The following STRN variants were observed in gnomAD, a reference collection of about 807,000 sequenced individuals.
The protein encoded by STRN is striatin.
STRN carries 53 observed loss-of-function variants against 96.3 expected under a neutral mutation model. That is an observed-to-expected ratio of 0.55 (90% CI 0.44 to 0.69). The LOEUF (loss-of-function observed/expected upper bound fraction) is 0.69, where lower values mean the gene tolerates loss of function less well. Among genes scored for constraint, STRN ranks in the 30% least tolerant of loss-of-function variants. The pLI is 0.00. For missense variants in STRN, 987 were observed against 963.9 expected, an observed-to-expected ratio of 1.02 and a Z score of -0.32; for synonymous variants, 428 against 355.9, an observed-to-expected ratio of 1.20 and a Z score of -2.28.
At chr2:36,888,122 A>T (rs529159871) in intron 7 of STRN, among the ~76,000 whole-genome samples, 7 of 152,130 alleles carry the variant, frequency 4.6e-5, no homozygotes, top group Non-Finnish European at 1.0e-4. Flanking sequence ...CTCCACATAA[A>T]ATATATCAGG....
At chr2:36,893,292 A>G (rs1315909697) in intron 7 of STRN, among the ~76,000 whole-genome samples, 1 of 152,056 alleles carries the variant, frequency 6.6e-6, no homozygotes, top group Non-Finnish European at 1.5e-5. Context: ...TGCTTTCAAT[A>G]GCAAAAAAAA....
intron 1 of STRN, among the ~76,000 whole-genome samples, chr2:36,928,411 G>A (rs1670474373): frequency 6.6e-6 from 1 of 152,284 alleles, no homozygotes; most frequent in Non-Finnish European, 1.5e-5. Flanking sequence ...CAGAACTTTG[G>A]GAGGCCGAGG....
chr2:36,860,021 G>A (rs1668436521), intron 13 of STRN, among the ~76,000 whole-genome samples: 1 of 152,002 alleles, frequency 6.6e-6, no homozygotes, highest in Non-Finnish European at 1.5e-5. Flanking sequence ...AAAAGAGAGG[G>A]ACTAAACAGA....
Position 36,899,541 on chromosome 2 carries a change from G to A in STRN, c.777C>T (p.Ser259=), listed in dbSNP as rs753256649. 30 of 1,611,944 alleles carry A rather than the reference G, an allele frequency of 1.9e-5. No individual in the cohort carries two copies. Among genetic ancestry groups the A allele is most frequent in the Middle Eastern group, 1.6e-4 (1 of 6,068 alleles). ...EDDDVDGREK[S]VIDTSTIVRK... Reference sequence around the variant, plus strand: ...AACTCACTGTTGAAGTATCAATGACGCTTTTCTCTCTTCCATCAACATCAT... The same window carrying A: ...AACTCACTGTTGAAGTATCAATGACACTTTTCTCTCTTCCATCAACATCAT... The change falls in exon 6 of 18, where the codon AGC becomes AGT. Residue 259 remains serine (S), a synonymous_variant. Coordinates refer to ENST00000263918, the MANE Select transcript of STRN (RefSeq NM_003162.4).
intron 10 of STRN, 103 bp downstream of exon 10, chr2:36,877,788 G>C: frequency 1.1e-5 from 14 of 1,316,762 alleles, no homozygotes; most frequent in Non-Finnish European, 1.4e-5. Flanking sequence ...CGCCCACCTC[G>C]GCCTCCCAAA....
intron 1 of STRN, among the ~76,000 whole-genome samples, chr2:36,939,174 G>A (rs903359702): frequency 1.3e-5 from 2 of 151,896 alleles, no homozygotes; most frequent in Admixed American, 6.6e-5. Flanking sequence ...CTCGTGATCC[G>A]CCCGCCTCGG....
At chr2:36,855,500 T>C (rs1668322234) in intron 14 of STRN, 148 bp from the exon 15 acceptor site, 11 of 766,782 alleles carry the variant, frequency 1.4e-5, no homozygotes, top group Middle Eastern at 2.8e-4. Context: ...TAACTATTCA[T>C]TGGAGATTAT....
In STRN at chr2:36,867,813, C is replaced by A; in HGVS notation, c.1547+1G>T. ...AAAATAAAGAAAAAACATATACTTA[C>A]TTATGGGCTCTGAATGTATAGATAG... On this transcript the variant is annotated splice_donor_variant, in intron 12 of 17. Transcript: ENST00000263918. LOFTEE classifies it high-confidence loss of function. The A allele has an allele frequency of 6.4e-7, 1 of 1,566,320 alleles. No individual in the cohort carries two copies. The highest frequency in any genetic ancestry group is 1.9e-5 in the Admixed American group (1 of 53,262).
intron 1 of STRN, among the ~76,000 whole-genome samples, chr2:36,941,628 C>A (rs893133905): frequency 3.6e-4 from 54 of 151,602 alleles, no homozygotes; most frequent in African/African-American, 1.2e-3. Flanking sequence ...CGGCTCACTG[C>A]AACTTCTGCC....
Position 36,842,538 on chromosome 2 carries a change from A to C in STRN, c.*6918T>G, listed in dbSNP as rs1667976445. The C allele has an allele frequency of 6.6e-6, 1 of 152,192 alleles. No individual in the cohort carries two copies. Among genetic ancestry groups the C allele is most frequent in the African/African-American group, 2.4e-5 (1 of 41,442 alleles). The allele number at this position is 152,192 out of a possible 1,614,324, so 9.4% of individuals were successfully genotyped here. Reference sequence around the variant, plus strand: ...GTGAATGGCTAAATCACCAAGGACAAGATACTTTTCTATGAAATAGGTCCT... The same window carrying C: ...GTGAATGGCTAAATCACCAAGGACACGATACTTTTCTATGAAATAGGTCCT... On this transcript the variant is annotated 3_prime_UTR_variant, in exon 18 of 18. Coordinates refer to ENST00000263918, the MANE Select transcript of STRN (RefSeq NM_003162.4).
At chr2:36,881,680 C>T (rs1041251584) in intron 9 of STRN, among the ~76,000 whole-genome samples, 1 of 152,158 alleles carries the variant, frequency 6.6e-6, no homozygotes, top group African/African-American at 2.4e-5. Flanking sequence ...AAGTTCCTCA[C>T]TATGTTTTTT....
intron 8 of STRN, among the ~76,000 whole-genome samples, chr2:36,885,941 C>T (rs1230153077): frequency 2.0e-5 from 3 of 152,036 alleles, no homozygotes; most frequent in East Asian, 1.9e-4. Context: ...CCTTGTTCCC[C>T]TAAGAAGATG....
intron 7 of STRN, among the ~76,000 whole-genome samples, chr2:36,887,440 CG>C (rs1382973214): frequency 9.2e-5 from 14 of 151,406 alleles, no homozygotes; most frequent in Non-Finnish European, 1.8e-4. Flanking sequence ...ATTGCACTCC[CG>C]CCTGGGCAAC....
intron 7 of STRN, among the ~76,000 whole-genome samples, chr2:36,889,052 T>A (rs1669317725): frequency 1.3e-5 from 2 of 152,104 alleles, no homozygotes; most frequent in Admixed American, 1.3e-4. Flanking sequence ...TCTATCTCCC[T>A]TACTCTGTAC....
At chr2:36,869,487 A>G in intron 11 of STRN, 67 bp downstream of exon 11, 1 of 1,277,086 alleles carries the variant, frequency 7.8e-7, no homozygotes, top group Non-Finnish European at 1.0e-6. Context: ...AAATCATAAA[A>G]TATGTAGTTT....
intron 1 of STRN, among the ~76,000 whole-genome samples, chr2:36,961,902 C>T (rs1426690007): frequency 6.6e-6 from 1 of 152,168 alleles, no homozygotes; most frequent in Non-Finnish European, 1.5e-5. Context: ...CAAGCGTGCT[C>T]CCTTCCCCCA....
chr2:36,879,487 T>A (rs184374979), intron 9 of STRN, among the ~76,000 whole-genome samples: 27 of 152,356 alleles, frequency 1.8e-4, no homozygotes, highest in Non-Finnish European at 5.9e-5. Flanking sequence ...ATTTTGAACA[T>A]AACAATCCAA....
chr2:36,872,754 G>T (rs976084929), intron 10 of STRN, among the ~76,000 whole-genome samples: 5 of 152,060 alleles, frequency 3.3e-5, no homozygotes, highest in Non-Finnish European at 7.4e-5. Context: ...AGAATAGAGG[G>T]AACAAAAGTA....
At chr2:36,856,592 G>C (rs1355960414) in intron 14 of STRN, among the ~76,000 whole-genome samples, 5 of 152,152 alleles carry the variant, frequency 3.3e-5, no homozygotes, top group African/African-American at 1.2e-4. Context: ...AATCTATGAT[G>C]AAAGAAATCA....
Sources: gnomAD v4.1 joint callset for allele counts (sites outside exome capture counted in the v4.1 genomes callset) on GRCh38, gnomAD v4.1.1 for gene constraint, MANE v1.5 for transcripts, NCBI Gene and HGNC (gene_info 2026-07-23, HGNC 2026-07-21) for gene names.